The following TRAK1 variants were observed in gnomAD, a reference collection of about 807,000 sequenced individuals.
TRAK1 encodes the protein trafficking kinesin protein 1.
Under a neutral mutation model 92.1 loss-of-function variants are expected in TRAK1, and 33 were observed. The observed-to-expected ratio is 0.36, with a 90% CI of 0.27 to 0.48. The LOEUF is 0.48. Ranked by LOEUF, TRAK1 falls within the 20% of genes least tolerant of loss-of-function variation. The probability of loss-of-function intolerance (pLI) is 0.99; values close to 1 mark genes in which losing one functional copy is unlikely to be tolerated. For synonymous variants in TRAK1, 521 were observed against 517.3 expected, an observed-to-expected ratio of 1.01 and a Z score of -0.10; for missense variants, 1,123 against 1,257.9, an observed-to-expected ratio of 0.89 and a Z score of 1.62.
intron 1 of TRAK1, among the ~76,000 whole-genome samples, chr3:42,059,156 G>A (rs1318026735): frequency 6.6e-6 from 1 of 151,790 alleles, no homozygotes; most frequent in Non-Finnish European, 1.5e-5. Flanking sequence ...GTGCAGTGGT[G>A]CGATCATGGC....
At chr3:42,125,087 A>C (rs528269958) in intron 1 of TRAK1, among the ~76,000 whole-genome samples, 1 of 152,240 alleles carries the variant, frequency 6.6e-6, no homozygotes, top group African/African-American at 2.4e-5. Context: ...TTTGGCTGAC[A>C]TGTAGAACGC....
At chr3:42,168,353 T>G (rs1702131959) in intron 2 of TRAK1, among the ~76,000 whole-genome samples, 1 of 152,214 alleles carries the variant, frequency 6.6e-6, no homozygotes, top group African/African-American at 2.4e-5. Context: ...AACAGGGAAG[T>G]GGCTGGAATA....
intron 1 of TRAK1, among the ~76,000 whole-genome samples, chr3:42,078,765 A>G (rs1038396655): frequency 2.0e-5 from 3 of 151,548 alleles, no homozygotes; most frequent in African/African-American, 7.3e-5. Flanking sequence ...AAAAAAAAAA[A>G]AAAAAAAGAA....
chr3:42,059,387 G>A (rs1449664251), intron 1 of TRAK1, among the ~76,000 whole-genome samples: 1 of 152,186 alleles, frequency 6.6e-6, no homozygotes, highest in East Asian at 1.9e-4. Flanking sequence ...TCCACTCCAG[G>A]ATAGGACCTG....
At chr3:42,211,412 A>T (rs757569665) in intron 14 of TRAK1, 1 of 985,178 alleles carries the variant, frequency 1.0e-6, no homozygotes, top group Non-Finnish European at 1.2e-6. Context: ...CTTGTGAGGG[A>T]ATGAAAATGT....
chr3:42,070,944 C>T (rs1162472486), intron 1 of TRAK1, among the ~76,000 whole-genome samples: 3 of 152,184 alleles, frequency 2.0e-5, no homozygotes, highest in Non-Finnish European at 4.4e-5. Context: ...ACCAGCTTCA[C>T]CTGTTGGTTC....
intron 1 of TRAK1, among the ~76,000 whole-genome samples, chr3:42,059,694 G>A (rs1240727568): frequency 2.0e-5 from 3 of 152,160 alleles, no homozygotes; most frequent in African/African-American, 7.2e-5. Flanking sequence ...ATTTAAAAGT[G>A]ACTTATTTCA....
intron 1 of TRAK1, among the ~76,000 whole-genome samples, chr3:42,076,141 C>T (rs919051630): frequency 2.7e-5 from 4 of 150,124 alleles, no homozygotes; most frequent in Non-Finnish European, 5.9e-5. Flanking sequence ...TGCACGCAGC[C>T]TCCTTTGCGC....
chr3:42,030,707 TATATATATATATATATATA>T (rs1702104808), intron 1 of TRAK1, among the ~76,000 whole-genome samples: 1 of 3,232 alleles, frequency 3.1e-4, no homozygotes, highest in African/African-American at 3.8e-4. Flanking sequence ...TATATATATA[TATATATATATATATATATA>T]TATATATATA....
At chr3:42,158,965 AAT>A (rs1700901502) in intron 2 of TRAK1, among the ~76,000 whole-genome samples, 15 of 22,032 alleles carry the variant, frequency 6.8e-4, no homozygotes, top group Non-Finnish European at 1.4e-3. Flanking sequence ...TCTCAAAAAT[AAT>A]AATAATAATA....
At chr3:42,184,978 A>G (rs1576861899) in intron 4 of TRAK1, 177 bp downstream of exon 4, 2 of 563,188 alleles carry the variant, frequency 3.6e-6, no homozygotes, top group African/African-American at 1.9e-5. Context: ...ACTAAAAGCC[A>G]CCTTCCTGCA....
chr3:42,016,629 A>G (rs747717413), intron 1 of TRAK1, among the ~76,000 whole-genome samples: 19 of 152,342 alleles, frequency 1.2e-4, no homozygotes, highest in Middle Eastern at 6.8e-3. Flanking sequence ...AAGGTAGAGA[A>G]CAGACCTTGG....
At chr3:42,147,465 A>G (rs944709818) in intron 2 of TRAK1, among the ~76,000 whole-genome samples, 3 of 152,162 alleles carry the variant, frequency 2.0e-5, no homozygotes, top group African/African-American at 7.2e-5. Context: ...TGTCTCCTAC[A>G]TTTTCTGAAC....
At chr3:42,131,250 T>C (rs931227772) in intron 2 of TRAK1, among the ~76,000 whole-genome samples, 3 of 152,024 alleles carry the variant, frequency 2.0e-5, no homozygotes, top group Non-Finnish European at 4.4e-5. Context: ...GACACAGTGG[T>C]CGCTCCCTTC....
intron 1 of TRAK1, among the ~76,000 whole-genome samples, chr3:42,049,678 A>G (rs928734838): frequency 6.6e-6 from 1 of 151,728 alleles, no homozygotes; most frequent in African/African-American, 2.4e-5. Flanking sequence ...GTATTTCCTC[A>G]GCTTTATCCT....
intron 1 of TRAK1, among the ~76,000 whole-genome samples, chr3:42,075,247 A>G (rs565978757): frequency 1.3e-5 from 2 of 148,960 alleles, no homozygotes; most frequent in African/African-American, 5.0e-5. Flanking sequence ...AGGCTGAGGT[A>G]TGAAAATTGC....
chr3:42,217,073 T>C lies in TRAK1; in HGVS notation c.1964-2421T>C, dbSNP rs6795097. Among the ~76,000 whole-genome samples the C allele has an allele frequency of 1.4e-3, 209 of 151,436 alleles. 1 individual carries two copies. The highest frequency in any genetic ancestry group is 4.9e-3 in the African/African-American group (200 of 41,170). On this transcript the variant is annotated intron_variant, in intron 14 of 15. Coordinates refer to ENST00000327628, the MANE Select transcript of TRAK1 (RefSeq NM_001042646.3). ...CCCCCCTATTTCCTGCCAAGAAGGA[T>C]GTTTTATGTTTCTCTCTCTCTCTCT...
intron 1 of TRAK1, among the ~76,000 whole-genome samples, chr3:42,049,111 A>G (rs1156802852): frequency 6.6e-6 from 1 of 151,536 alleles, no homozygotes. Context: ...CTGGTCTTGA[A>G]CTCCTGGACT....
intron 1 of TRAK1, among the ~76,000 whole-genome samples, chr3:42,067,695 G>A (rs996323284): frequency 5.9e-5 from 9 of 152,004 alleles, no homozygotes; most frequent in Non-Finnish European, 8.8e-5. Context: ...TAGTCAGGAA[G>A]CCCCTCACAC....
Sources: gnomAD v4.1 joint callset for allele counts (sites outside exome capture counted in the v4.1 genomes callset) on GRCh38, gnomAD v4.1.1 for gene constraint, MANE v1.5 for transcripts, NCBI Gene and HGNC (gene_info 2026-07-23, HGNC 2026-07-21) for gene names.